Variants in FRMD4B observed in about 807,000 individuals in gnomAD.
The protein encoded by FRMD4B is FERM domain-containing protein 4B.
Under a neutral mutation model 141.5 loss-of-function variants are expected in FRMD4B, and 74 were observed. The ratio of observed to expected loss-of-function variants is 0.52; its 90% CI spans 0.43 to 0.63. The LOEUF (loss-of-function observed/expected upper bound fraction) is 0.63, where lower values mean the gene tolerates loss of function less well. Among genes scored for constraint, FRMD4B ranks in the 30% least tolerant of loss-of-function variants. FRMD4B has a pLI of 0.00. For missense variants in FRMD4B, 1,366 were observed against 1,253.4 expected (o/e 1.09, Z -1.36); for synonymous variants, 506 against 467.9 (o/e 1.08, Z -1.05).
At chr3:69,313,369 G>T in intron 2 of FRMD4B, 83 bp downstream of exon 2, 1 of 839,972 alleles carries the variant, frequency 1.2e-6, no homozygotes, top group East Asian at 2.6e-5. Flanking sequence ...CTCAGAGAGG[G>T]AACCAGGATG....
intron 12 of FRMD4B, 38 bp downstream of exon 12, chr3:69,198,660 G>C (rs2092933316): frequency 1.0e-6 from 1 of 977,928 alleles, no homozygotes; most frequent in African/African-American, 1.6e-5. Context: ...TATTTGTATA[G>C]TAACTGTGTC....
At chr3:69,369,581 A>G (rs1335315487) in intron 1 of FRMD4B, among the ~76,000 whole-genome samples, 2 of 152,186 alleles carry the variant, frequency 1.3e-5, no homozygotes, top group Non-Finnish European at 2.9e-5. Flanking sequence ...TCTGAAGTTT[A>G]TTGAAGGAAA....
At chr3:69,210,063 A>G (rs1316357669) in intron 11 of FRMD4B, among the ~76,000 whole-genome samples, 1 of 151,740 alleles carries the variant, frequency 6.6e-6, no homozygotes, top group East Asian at 1.9e-4. Flanking sequence ...GGATTTGGGA[A>G]TTCCAATATA....
chr3:69,502,685 G>A (rs1209501960), intron 1 of FRMD4B, among the ~76,000 whole-genome samples: 9 of 151,748 alleles, frequency 5.9e-5, no homozygotes, highest in East Asian at 1.9e-4. Flanking sequence ...GACAAATGGG[G>A]TCTAATTAAA....
intron 11 of FRMD4B, among the ~76,000 whole-genome samples, chr3:69,212,393 GAAAAAAAAGA>G (rs2093094880): frequency 2.6e-5 from 2 of 77,766 alleles, no homozygotes; most frequent in African/African-American, 4.6e-5. Flanking sequence ...AAAAAAAAAA[GAAAAAAAAGA>G]AAAAAAGCGA....
intron 1 of FRMD4B, among the ~76,000 whole-genome samples, chr3:69,499,840 T>C (rs1390931961): frequency 6.6e-6 from 1 of 152,200 alleles, no homozygotes; most frequent in African/African-American, 2.4e-5. Context: ...GTCCAGTCCC[T>C]TAGATTTAAA....
chr3:69,318,448 G>T (rs1269977286), intron 1 of FRMD4B, among the ~76,000 whole-genome samples: 1 of 152,196 alleles, frequency 6.6e-6, no homozygotes, highest in Non-Finnish European at 1.5e-5. Context: ...ACAACCAAGA[G>T]AGGCTGACAT....
At chr3:69,287,445 T>A (rs547285909) in intron 5 of FRMD4B, among the ~76,000 whole-genome samples, 1 of 152,370 alleles carries the variant, frequency 6.6e-6, no homozygotes, top group South Asian at 2.1e-4. Context: ...ACGTTTTGAT[T>A]ATGATCTGAT....
At chr3:69,541,528 C>T (rs1368151655) in intron 1 of FRMD4B, among the ~76,000 whole-genome samples, 11 of 152,144 alleles carry the variant, frequency 7.2e-5, no homozygotes, top group Non-Finnish European at 1.6e-4. Flanking sequence ...TGTTCAGTAT[C>T]CTTCAAAGCA....
At chr3:69,409,312 T>C (rs2106775006) in intron 2 of FRMD4B, among the ~76,000 whole-genome samples, 1 of 152,334 alleles carries the variant, frequency 6.6e-6, no homozygotes, top group South Asian at 2.1e-4. Context: ...TGTTGAGACA[T>C]TTCCAACAAG....
chr3:69,429,189 T>C (rs1421703471), intron 2 of FRMD4B, among the ~76,000 whole-genome samples: 1 of 152,196 alleles, frequency 6.6e-6, no homozygotes, highest in Non-Finnish European at 1.5e-5. Flanking sequence ...ACCCATAATT[T>C]TGCTATTATA....
At chr3:69,304,424 C>A (rs1559792075) in intron 3 of FRMD4B, among the ~76,000 whole-genome samples, 1 of 142,166 alleles carries the variant, frequency 7.0e-6, no homozygotes, top group Non-Finnish European at 1.5e-5. Flanking sequence ...GCGGAGGTTG[C>A]AGTGAGCCGA....
At chr3:69,184,273 A>C (rs951516595) in intron 19 of FRMD4B, among the ~76,000 whole-genome samples, 1 of 152,210 alleles carries the variant, frequency 6.6e-6, no homozygotes, top group African/African-American at 2.4e-5. Flanking sequence ...TCCTAAGCAC[A>C]TAAACTTATT....
chr3:69,358,473 T>C (rs1575762545), intron 1 of FRMD4B, among the ~76,000 whole-genome samples: 1 of 152,184 alleles, frequency 6.6e-6, no homozygotes, highest in East Asian at 1.9e-4. Flanking sequence ...GGGGGGCACA[T>C]GCCTGTAATC....
intron 5 of FRMD4B, among the ~76,000 whole-genome samples, chr3:69,255,811 G>T (rs1293625916): frequency 6.6e-6 from 1 of 152,144 alleles, no homozygotes; most frequent in Non-Finnish European, 1.5e-5. Context: ...GGGCAAAGTT[G>T]GGAAGATGTG....
intron 11 of FRMD4B, among the ~76,000 whole-genome samples, chr3:69,204,295 C>T (rs1251405896): frequency 1.3e-5 from 2 of 152,160 alleles, no homozygotes; most frequent in East Asian, 3.8e-4. Context: ...CTTTTTAAAT[C>T]TTGATGAATT....
intron 1 of FRMD4B, among the ~76,000 whole-genome samples, chr3:69,366,464 C>T (rs1703659891): frequency 9.7e-6 from 1 of 103,586 alleles, no homozygotes; most frequent in South Asian, 3.1e-4. Flanking sequence ...GTGATCTCAC[C>T]TCGTGATCAT....
intron 1 of FRMD4B, among the ~76,000 whole-genome samples, chr3:69,464,594 T>C (rs1267416585): frequency 3.9e-5 from 6 of 152,238 alleles, no homozygotes; most frequent in East Asian, 1.9e-4. Context: ...CTTATAGAAG[T>C]GGTCCTTCTA....
At chr3:69,228,825 TTC>T (rs1187448140) in intron 7 of FRMD4B, among the ~76,000 whole-genome samples, 4 of 145,270 alleles carry the variant, frequency 2.8e-5, no homozygotes, top group African/African-American at 9.9e-5. Context: ...CAGAGTGAGA[TTC>T]TCTTATTTAA....
Sources: allele counts gnomAD v4.1 joint callset (sites outside exome capture counted in the v4.1 genomes callset), GRCh38; gene constraint gnomAD v4.1.1; transcripts MANE v1.5; gene names NCBI Gene and HGNC (gene_info 2026-07-23, HGNC 2026-07-21).